The following CCDC73 variants were observed in gnomAD, a reference collection of about 807,000 sequenced individuals.
CCDC73 encodes coiled-coil domain-containing protein 73.
In CCDC73, 95 loss-of-function variants were observed where a neutral mutation model predicts 116.5. The ratio of observed to expected loss-of-function variants is 0.82; its 90% CI spans 0.69 to 0.97. The LOEUF is 0.97. Among genes scored for constraint, CCDC73 ranks in the 50% least tolerant of loss-of-function variants. The probability of loss-of-function intolerance (pLI) is 0.00; values close to 1 mark genes in which losing one functional copy is unlikely to be tolerated. For synonymous variants in CCDC73, 398 were observed against 401.3 expected (o/e 0.99, Z 0.10); for missense variants, 1,066 against 1,206.8 (o/e 0.88, Z 1.73).
intron 2 of CCDC73, among the ~76,000 whole-genome samples, chr11:32,719,037 ACAAGGAGATACAG>A (rs1849968816): frequency 6.6e-6 from 1 of 152,194 alleles, no homozygotes; most frequent in Admixed American, 6.5e-5. Flanking sequence ...AGTAAAAAGA[ACAAGGAGATACAG>A]CAAGGAGAGC....
chr11:32,708,918 G>A (rs1346806152), intron 3 of CCDC73, among the ~76,000 whole-genome samples: 5 of 152,038 alleles, frequency 3.3e-5, no homozygotes, highest in Non-Finnish European at 7.4e-5. Flanking sequence ...TTGTCTGATT[G>A]CTCTGGCTAG....
chr11:32,711,759 G>C (rs1286944192), intron 3 of CCDC73, among the ~76,000 whole-genome samples: 1 of 151,920 alleles, frequency 6.6e-6, no homozygotes, highest in African/African-American at 2.4e-5. Context: ...AAAACCTATT[G>C]AAAAAAACAA....
At chr11:32,771,328 A>C (rs1275086597) in intron 1 of CCDC73, among the ~76,000 whole-genome samples, 4 of 152,166 alleles carry the variant, frequency 2.6e-5, no homozygotes, top group Non-Finnish European at 4.4e-5. Flanking sequence ...TAAGCCAAGA[A>C]TCCAGAGGTA....
At chr11:32,775,457 T>C (rs563069752) in intron 1 of CCDC73, among the ~76,000 whole-genome samples, 1 of 152,170 alleles carries the variant, frequency 6.6e-6, no homozygotes, top group Non-Finnish European at 1.5e-5. Context: ...GCACTTAACA[T>C]TATCCTACAT....
chr11:32,609,946 A>ATC (rs370572513), intron 17 of CCDC73, among the ~76,000 whole-genome samples: 12 of 138,578 alleles, frequency 8.7e-5, no homozygotes, highest in Non-Finnish European at 1.5e-4. Context: ...AGCCCAGCTA[A>ATC]TTTTTTTTTT....
At chr11:32,703,077 C>A in intron 3 of CCDC73, 133 bp from the exon 4 acceptor site, 1 of 688,194 alleles carries the variant, frequency 1.5e-6, no homozygotes, top group Non-Finnish European at 2.6e-6. Context: ...TGGAATGCAA[C>A]TTTAAACCAA....
intron 6 of CCDC73, among the ~76,000 whole-genome samples, chr11:32,691,978 G>T (rs1454649873): frequency 6.6e-6 from 1 of 150,612 alleles, no homozygotes; most frequent in Admixed American, 6.6e-5. Context: ...AACCCAGGAG[G>T]TGGAGCTTGC....
rs368280857 is a variant in CCDC73, at chr11:32,659,072, A to ATTC, written c.646-4103_646-4101dup. On this transcript the variant is annotated intron_variant, in intron 9 of 17. Transcript: ENST00000335185. ...ATTAAGCCTGAACCATAGGTTAACT[A>ATTC]TTCTCAAAAAAGTCCTTCATTTACA... 7.1e-3 allele frequency among the ~76,000 whole-genome samples: 1,084 copies of ATTC among 152,364 alleles called. 12 individuals are homozygous for ATTC. The highest frequency in any genetic ancestry group is 0.024 in the African/African-American group (1,014 of 41,588).
chr11:32,652,902 C>T (rs1022428242), intron 12 of CCDC73, among the ~76,000 whole-genome samples: 3 of 152,086 alleles, frequency 2.0e-5, no homozygotes, highest in Middle Eastern at 3.4e-3. Flanking sequence ...AAGTCAGATA[C>T]TTGATAAAAT....
intron 2 of CCDC73, among the ~76,000 whole-genome samples, chr11:32,751,509 C>A (rs996381403): frequency 6.6e-6 from 1 of 152,166 alleles, no homozygotes; most frequent in Admixed American, 6.5e-5. Context: ...ATGGGTCATT[C>A]GCCTCTGGCT....
chr11:32,609,374 A>G (rs1855392729), intron 17 of CCDC73, among the ~76,000 whole-genome samples: 1 of 152,138 alleles, frequency 6.6e-6, no homozygotes, highest in African/African-American at 2.4e-5. Context: ...AATGCTACCA[A>G]TTTCTTTACC....
intron 11 of CCDC73, 112 bp from the exon 12 acceptor site, chr11:32,653,339 T>C (rs933042322): frequency 3.4e-6 from 2 of 594,336 alleles, no homozygotes; most frequent in Non-Finnish European, 5.7e-6. Context: ...TATAGTTTAA[T>C]TTCAATACTT....
chr11:32,760,334 A>G, intron 1 of CCDC73, 76 bp from the exon 2 acceptor site: 7 of 831,920 alleles, frequency 8.4e-6, no homozygotes, highest in East Asian at 2.6e-5. Context: ...CCATAAAAAT[A>G]TAACAACCTG....
At chr11:32,708,779 T>G (rs1849875536) in intron 3 of CCDC73, among the ~76,000 whole-genome samples, 1 of 152,236 alleles carries the variant, frequency 6.6e-6, no homozygotes, top group African/African-American at 2.4e-5. Flanking sequence ...GAAACCTTGT[T>G]GAATTGATTT....
At chr11:32,663,730 G>A (rs964133556) in intron 9 of CCDC73, among the ~76,000 whole-genome samples, 8 of 152,182 alleles carry the variant, frequency 5.3e-5, no homozygotes, top group African/African-American at 1.9e-4. Flanking sequence ...AATAGGAGTG[G>A]TGAGATAGGG....
At chr11:32,705,027 T>C (rs535701877) in intron 3 of CCDC73, among the ~76,000 whole-genome samples, 20 of 152,310 alleles carry the variant, frequency 1.3e-4, no homozygotes, top group East Asian at 1.2e-3. Context: ...CTGTAACACT[T>C]TCCTGGTGGG....
chr11:32,786,975 G>C (rs1443228923), intron 1 of CCDC73, among the ~76,000 whole-genome samples: 1 of 152,158 alleles, frequency 6.6e-6, no homozygotes, highest in Non-Finnish European at 1.5e-5. Context: ...TATCAATCAT[G>C]TACAGGGATA....
chr11:32,729,247 A>C (rs1299926578), intron 2 of CCDC73, among the ~76,000 whole-genome samples: 1 of 152,066 alleles, frequency 6.6e-6, no homozygotes, highest in Non-Finnish European at 1.5e-5. Context: ...TTCAGCTCCC[A>C]CTTACAAGTG....
At chr11:32,772,268 A>G (rs1046421432) in intron 1 of CCDC73, among the ~76,000 whole-genome samples, 1 of 151,840 alleles carries the variant, frequency 6.6e-6, no homozygotes, top group Non-Finnish European at 1.5e-5. Context: ...CATCTCTTTC[A>G]TGGTTTTCTC....
Sources: gnomAD v4.1 joint callset for allele counts (sites outside exome capture counted in the v4.1 genomes callset) on GRCh38, gnomAD v4.1.1 for gene constraint, MANE v1.5 for transcripts, NCBI Gene and HGNC (gene_info 2026-07-23, HGNC 2026-07-21) for gene names.